Variants in ACVR2B observed in about 807,000 individuals in gnomAD.
ACVR2B encodes the protein activin receptor type-2B.
A neutral mutation model predicts 65.1 loss-of-function variants in ACVR2B; 18 were observed. The ratio of observed to expected loss-of-function variants is 0.28; its 90% CI spans 0.19 to 0.41. The LOEUF (loss-of-function observed/expected upper bound fraction) is 0.41, where lower values mean the gene tolerates loss of function less well. Among genes scored for constraint, ACVR2B ranks in the 10% least tolerant of loss-of-function variants. The probability of loss-of-function intolerance (pLI) is 1.00; values close to 1 mark genes in which losing one functional copy is unlikely to be tolerated. For synonymous variants in ACVR2B, 298 were observed against 277.7 expected (o/e 1.07, Z -0.73); for missense variants, 482 against 682.7 (o/e 0.71, Z 3.28).
rs539636183 is a variant in ACVR2B at position 38,492,043 on chromosome 3, A to G, written c.*8711A>G. On this transcript the variant is annotated 3_prime_UTR_variant, in exon 11 of 11. Coordinates refer to ENST00000352511, the MANE Select transcript of ACVR2B (RefSeq NM_001106.4). Reference sequence around the variant, plus strand: ...ATACAGTACTGTAAATTTAACTTACATCGAGTTTGTTGTCAATTCTTATGA... The same window carrying G: ...ATACAGTACTGTAAATTTAACTTACGTCGAGTTTGTTGTCAATTCTTATGA... 5.3e-5 allele frequency: 8 copies of G among 152,378 alleles called. No individual in the cohort carries two copies. In the East Asian group the frequency reaches 5.8e-4, roughly 11 times the overall value. 9.4% of individuals were successfully genotyped at this position (152,378 alleles called of 1,614,324 possible).
chr3:38,492,722 T>C lies in ACVR2B; in HGVS notation c.*9390T>C, dbSNP rs2059820011. 1 of 144,106 alleles carries C rather than the reference T, an allele frequency of 6.9e-6. No individual in the cohort carries two copies. The highest frequency in any genetic ancestry group is 1.5e-5 in the Non-Finnish European group (1 of 65,620). 8.9% of individuals were successfully genotyped at this position (144,106 alleles called of 1,614,324 possible). On this transcript the variant is annotated 3_prime_UTR_variant, in exon 11 of 11. Coordinates refer to ENST00000352511, the MANE Select transcript of ACVR2B (RefSeq NM_001106.4). Reference sequence around the variant, plus strand: ...GATTTGAAAAGTGTGCTGATTTATATATATATATTACACACACACACACAC... The same window carrying C: ...GATTTGAAAAGTGTGCTGATTTATACATATATATTACACACACACACACAC...
rs544217954 is a variant in ACVR2B at position 38,489,276 on chromosome 3, A to T, written c.*5944A>T. The T allele has an allele frequency of 1.3e-5, 2 of 152,768 alleles. No homozygotes were observed. Among genetic ancestry groups the T allele is most frequent in the East Asian group, 3.9e-4 (2 of 5,184 alleles). 9.5% of individuals were successfully genotyped at this position (152,768 alleles called of 1,614,324 possible). On this transcript the variant is annotated 3_prime_UTR_variant, in exon 11 of 11. Transcript: ENST00000352511. ...GATAGTTCTACATATATATTTAGTTATATCACTTGACAGATTTCTTCTACA... is the reference window on the plus strand; with the variant it reads ...GATAGTTCTACATATATATTTAGTTTTATCACTTGACAGATTTCTTCTACA...
At chr3:38,459,172 T>C (rs1254545759) in intron 1 of ACVR2B, among the ~76,000 whole-genome samples, 1 of 152,076 alleles carries the variant, frequency 6.6e-6, no homozygotes, top group Non-Finnish European at 1.5e-5. Flanking sequence ...GGATGCAGGG[T>C]TGGAGGTGAG....
chr3:38,464,000 A>G (rs1709690160), intron 1 of ACVR2B, among the ~76,000 whole-genome samples: 1 of 152,138 alleles, frequency 6.6e-6, no homozygotes, highest in Non-Finnish European at 1.5e-5. Flanking sequence ...CTGGAGGCCC[A>G]CCTTTATCAC....
rs181553433 is a variant in ACVR2B at position 38,478,666 on chromosome 3, A to G, written c.666+148A>G. The G allele has an allele frequency of 1.5e-3, 1,735 of 1,149,456 alleles. 18 individuals carry two copies. In the African/African-American group the frequency reaches 0.024, roughly 16 times the overall value. 71.2% of individuals were successfully genotyped at this position (1,149,456 alleles called of 1,614,324 possible). ...TACTGGGCCTAGTTACTCATGTTAC[A>G]CTTGGCTGGTCTGTAGATTTCATGC... On this transcript the variant is annotated intron_variant, in intron 5 of 10. Transcript: ENST00000352511.
In ACVR2B at chr3:38,492,781, CACACACACACACACACACACACATACA is replaced by C. The variant is rs2059821701; in HGVS notation, c.*9450_*9476del. Reference sequence around the variant, plus strand: ...ACACACACACACACACACACACACACACACACACACACACACACACACATACACCTAAAATGGCCTAAAGCAGACATC... The same window carrying C: ...ACACACACACACACACACACACACACCCTAAAATGGCCTAAAGCAGACATC... On this transcript the variant is annotated 3_prime_UTR_variant, in exon 11 of 11. Coordinates refer to ENST00000352511, the MANE Select transcript of ACVR2B (RefSeq NM_001106.4). The C allele has an allele frequency of 1.9e-5, 1 of 52,848 alleles. No homozygotes were observed. Among genetic ancestry groups the C allele is most frequent in the Admixed American group, 2.2e-4 (1 of 4,568 alleles). The allele number at this position is 52,848 out of a possible 1,614,324, so 3.3% of individuals were successfully genotyped here.
intron 1 of ACVR2B, among the ~76,000 whole-genome samples, chr3:38,458,455 A>G (rs562629269): frequency 5.9e-5 from 9 of 152,292 alleles, no homozygotes; most frequent in African/African-American, 2.2e-4. Flanking sequence ...GCTGCCCTGC[A>G]CATATCCACT....
At position 38,477,605 on chromosome 3, in the gene ACVR2B, G is replaced by T. The variant is rs1459580605; in HGVS notation, c.260+111G>T. ...GTGGGAGATAAAGGACCAAGAAGGG[G>T]CTCTTGAGATGGTAGCCATGGCCCC... On this transcript the variant is annotated intron_variant, in intron 2 of 10. Transcript: ENST00000352511. This position sits in a 1 kb window ranked among gnomAD's most constrained non-coding sequence, Gnocchi z 6.7. 2 of 1,320,270 alleles carry T rather than the reference G, an allele frequency of 1.5e-6. No homozygotes were observed. The highest frequency in any genetic ancestry group is 2.0e-5 in the Admixed American group (1 of 51,192). 81.8% of individuals were successfully genotyped at this position (1,320,270 alleles called of 1,614,324 possible). A position where few individuals can be genotyped will look rare whatever the true frequency, so the allele number is the denominator to read the frequency against.
At chr3:38,476,977 T>C in intron 1 of ACVR2B, 1 of 492,320 alleles carries the variant, frequency 2.0e-6, no homozygotes, top group South Asian at 2.3e-5. Context: ...ATCTGGACTC[T>C]GTCTGTCTGG....
At chr3:38,454,547 G>C in intron 1 of ACVR2B, 173 bp downstream of exon 1, 1 of 471,176 alleles carries the variant, frequency 2.1e-6, no homozygotes, top group Non-Finnish European at 3.3e-6. Flanking sequence ...CCGGCTCGCC[G>C]AACTTGGGGG....
chr3:38,489,866 C>G lies in ACVR2B; in HGVS notation c.*6534C>G, dbSNP rs886058418. ...AGAATTACCCAGTTAAGTAATTGTT[C>G]AGAAAAGTGGGGAGGGTGGCATGTG... On this transcript the variant is annotated 3_prime_UTR_variant, in exon 11 of 11. Transcript: ENST00000352511. 3 of 152,128 alleles carry G rather than the reference C, an allele frequency of 2.0e-5. No individual in the cohort carries two copies. The allele number at this position is 152,128 out of a possible 1,614,324, so 9.4% of individuals were successfully genotyped here. A position where few individuals can be genotyped will look rare whatever the true frequency, so the allele number is the denominator to read the frequency against.
At chr3:38,469,579 G>A (rs941674084) in intron 1 of ACVR2B, among the ~76,000 whole-genome samples, 4 of 152,174 alleles carry the variant, frequency 2.6e-5, no homozygotes, top group Non-Finnish European at 4.4e-5. Flanking sequence ...TGTGAGCTTG[G>A]CATTTATACC....
At chr3:38,478,582 C>G (rs1709957385) in intron 5 of ACVR2B, 64 bp downstream of exon 5, 1 of 1,609,940 alleles carries the variant, frequency 6.2e-7, no homozygotes, top group African/African-American at 1.3e-5. Flanking sequence ...TGGAGGCTCT[C>G]CTGACCTGGG....
rs1487496445 is a variant in ACVR2B at position 38,477,732 on chromosome 3, G to A, written c.261-129G>A. On this transcript the variant is annotated intron_variant, in intron 2 of 10. Transcript: ENST00000352511. This position sits in a 1 kb window ranked among gnomAD's most constrained non-coding sequence, Gnocchi z 6.7. Reference sequence around the variant, plus strand: ...TGGCTTTGGGTCTCCTGTAGGGGAGGTGAGTTCACACCGTCCCCCTGGTGT... The same window carrying A: ...TGGCTTTGGGTCTCCTGTAGGGGAGATGAGTTCACACCGTCCCCCTGGTGT... 8 of 1,102,006 alleles carry A rather than the reference G, an allele frequency of 7.3e-6. No homozygotes were observed. In the East Asian group the frequency reaches 1.9e-4, roughly 26 times the overall value. The allele number at this position is 1,102,006 out of a possible 1,614,324, so 68.3% of individuals were successfully genotyped here.
At chr3:38,466,821 A>C (rs577750699) in intron 1 of ACVR2B, among the ~76,000 whole-genome samples, 403 of 152,356 alleles carry the variant, frequency 2.6e-3, no homozygotes, top group Non-Finnish European at 4.2e-3. Context: ...TTCTTAAAAA[A>C]GAATGAACAT....
chr3:38,473,724 T>G (rs1449519386), intron 1 of ACVR2B: 1 of 152,324 alleles, frequency 6.6e-6, no homozygotes, highest in African/African-American at 2.4e-5. Context: ...ATAGCCAATG[T>G]GCCAGGCAGT....
Position 38,483,127 on chromosome 3 carries a change from A to G in ACVR2B, c.1345-11A>G, listed in dbSNP as rs773813713. ...CAAAGGTGTCTTTCCTGTCTGCCCT[A>G]TGCTGCTTAGGGCCTGGCCCAGCTT... On this transcript the variant is annotated splice_polypyrimidine_tract_variant and intron_variant, in intron 10 of 10. Coordinates refer to ENST00000352511, the MANE Select transcript of ACVR2B (RefSeq NM_001106.4). The surrounding 1 kb of genome is among the most constrained non-coding windows in gnomAD (Gnocchi z 4.8). The G allele has an allele frequency of 7.4e-6, 12 of 1,613,980 alleles. No individual in the cohort carries two copies. In the African/African-American group the frequency reaches 1.3e-4, roughly 18 times the overall value.
chr3:38,468,406 G>A (rs573725761), intron 1 of ACVR2B, among the ~76,000 whole-genome samples: 1 of 152,228 alleles, frequency 6.6e-6, no homozygotes, highest in African/African-American at 2.4e-5. Flanking sequence ...CCTGTATTTG[G>A]TATATTGTTC....
intron 1 of ACVR2B, among the ~76,000 whole-genome samples, chr3:38,466,912 G>A (rs1709739869): frequency 6.6e-6 from 1 of 152,178 alleles, no homozygotes; most frequent in Non-Finnish European, 1.5e-5. Context: ...GAAGAGCAAT[G>A]AAAATAATAA....
Sources: gnomAD v4.1 joint callset for allele counts (sites outside exome capture counted in the v4.1 genomes callset) on GRCh38, gnomAD v4.1.1 for gene constraint, Gnocchi (gnomAD v3.1) non-coding constraint, MANE v1.5 for transcripts, NCBI Gene and HGNC (gene_info 2026-07-23, HGNC 2026-07-21) for gene names.